The following PCDHGB6 variants were observed in gnomAD, a reference collection of about 807,000 sequenced individuals.
PCDHGB6 encodes the protein protocadherin gamma subfamily B, 6.
A neutral mutation model predicts 59.1 loss-of-function variants in PCDHGB6; 51 were observed. The ratio of observed to expected loss-of-function variants is 0.86; its 90% CI spans 0.69 to 1.09. The LOEUF is 1.09. Ranked by LOEUF, PCDHGB6 falls within the 50% of genes least tolerant of loss-of-function variation. The pLI, the probability that PCDHGB6 is intolerant of heterozygous loss-of-function variation, is 0.00. For synonymous variants in PCDHGB6, 466 were observed against 495.1 expected (o/e 0.94, Z 0.78); for missense variants, 1,148 against 1,205.1 (o/e 0.95, Z 0.70).
At position 141,431,335 on chromosome 5, in the gene PCDHGB6, C is replaced by A. The variant is rs747132346; in HGVS notation, c.2418+20715C>A. On this transcript the variant is annotated intron_variant, in intron 1 of 3. Transcript: ENST00000520790. This position sits in a 1 kb window ranked among gnomAD's most constrained non-coding sequence, Gnocchi z 4.8. ...ATGGAGCCGACGGTAGTAAGTACCCCGAATTGGTGCTGAAACGCGCCCTGG... is the reference window on the plus strand; with the variant it reads ...ATGGAGCCGACGGTAGTAAGTACCCAGAATTGGTGCTGAAACGCGCCCTGG... 11 of 1,613,944 alleles carry A rather than the reference C, an allele frequency of 6.8e-6. No homozygotes were observed. The Admixed American group carries it at 1.5e-4, about 22-fold the overall frequency.
intron 2 of PCDHGB6, among the ~76,000 whole-genome samples, chr5:141,503,598 CAA>C (rs765754054): frequency 2.7e-4 from 18 of 65,718 alleles, no homozygotes; most frequent in Admixed American, 6.9e-4. Flanking sequence ...GACTCCAGCT[CAA>C]AAAAAAAAAA....
chr5:141,435,910 G>T (rs1296707748), intron 1 of PCDHGB6, among the ~76,000 whole-genome samples: 2 of 152,112 alleles, frequency 1.3e-5, no homozygotes, highest in Non-Finnish European at 2.9e-5. Flanking sequence ...ACATCCAAGG[G>T]CTCTAAAATG....
chr5:141,423,234 C>T, intron 1 of PCDHGB6: 1 of 1,613,918 alleles, frequency 6.2e-7, no homozygotes, highest in South Asian at 1.1e-5. Context: ...CCGACAGCAT[C>T]CCCGAAGTCC....
In PCDHGB6 at chr5:141,431,779, G is replaced by A; in HGVS notation, c.2418+21159G>A. 2 of 1,614,232 alleles carry A rather than the reference G, an allele frequency of 1.2e-6. No individual in the cohort carries two copies. Among genetic ancestry groups the A allele is most frequent in the Non-Finnish European group, 1.7e-6 (2 of 1,180,030 alleles). ...AAGTCCTGATCACTGTTCTGGACGT[G>A]AACGACAATGCCCCAGAAGTGGTCC... On this transcript the variant is annotated intron_variant, in intron 1 of 3. Transcript: ENST00000520790. This position sits in a 1 kb window ranked among gnomAD's most constrained non-coding sequence, Gnocchi z 4.8.
intron 1 of PCDHGB6, among the ~76,000 whole-genome samples, chr5:141,450,335 T>A (rs1054670037): frequency 1.3e-5 from 2 of 152,158 alleles, no homozygotes; most frequent in African/African-American, 4.8e-5. Context: ...CTCTTTAATC[T>A]ACTTTAATCT....
chr5:141,463,886 C>T (rs1327677210), intron 1 of PCDHGB6, among the ~76,000 whole-genome samples: 3 of 152,118 alleles, frequency 2.0e-5, no homozygotes, highest in African/African-American at 4.8e-5. Flanking sequence ...AAAGTTTTCA[C>T]CTTGCTTTTT....
Position 141,408,513 on chromosome 5 carries a change from T to C in PCDHGB6, c.311T>C (p.Leu104Ser). The C allele has an allele frequency of 1.2e-6, 2 of 1,614,034 alleles. No homozygotes were observed. The highest frequency in any genetic ancestry group is 4.5e-5 in the East Asian group (2 of 44,878). The change falls in exon 1 of 4, where the codon TTG (leucine) becomes TCG (serine). Residue 104 changes from leucine to serine, a missense_variant. This residue lies in a region of PCDHGB6 where 307 missense variants were observed against 323.8 expected (regional missense o/e 0.95). Coordinates refer to ENST00000520790, the MANE Select transcript of PCDHGB6 (RefSeq NM_018926.3). Reference sequence around the variant, plus strand: ...TGCAAAGAGAGAAGAAGATGTGAGTTGCAATTGGAAGCTGTGGTGGAAAAT... The same window carrying C: ...TGCAAAGAGAGAAGAAGATGTGAGTCGCAATTGGAAGCTGTGGTGGAAAAT... The part of the protein sequence containing the change: ...QICKERRRCE[L>S]QLEAVVENPL...
intron 2 of PCDHGB6, among the ~76,000 whole-genome samples, chr5:141,500,136 A>G (rs966215589): frequency 6.6e-6 from 1 of 151,606 alleles, no homozygotes; most frequent in African/African-American, 2.4e-5. Flanking sequence ...ATATCTTTCT[A>G]AACTTTTCTT....
At position 141,410,619 on chromosome 5, in the gene PCDHGB6, C is replaced by G; in HGVS notation, c.2417C>G (p.Ser806Trp). ...DLTSHPETLT[S>W]QAPPNTDWRF... ...ACTTCACATCCTGAGACTCTGACTTCGGTGAGTTTCTCTTTTTTGTGTGTG... is the reference window on the plus strand; with the variant it reads ...ACTTCACATCCTGAGACTCTGACTTGGGTGAGTTTCTCTTTTTTGTGTGTG... The change falls in exon 1 of 4, where the codon TCG becomes TGG. Residue 806 changes from serine (S) to tryptophan (W), a missense_variant and splice_region_variant. By Grantham distance (177) the Ser-to-Trp change is radical. Around this residue, in one of 5 missense-constraint regions of PCDHGB6, gnomAD observed 283 missense variants for 318.6 expected, o/e 0.89. Transcript: ENST00000520790. 1 of 1,603,732 alleles carries G rather than the reference C, an allele frequency of 6.2e-7. No individual in the cohort carries two copies. Among genetic ancestry groups the G allele is most frequent in the Admixed American group, 1.7e-5 (1 of 59,784 alleles).
rs1374368607 is a variant in PCDHGB6, at chr5:141,408,605, A to G, written c.403A>G (p.Lys135Glu). The change falls in exon 1 of 4, where the codon AAA (lysine) becomes GAA (glutamate). Residue 135 changes from lysine to glutamate, a missense_variant. Physicochemically the swap from Lys to Glu is moderately conservative, Grantham distance 56. This residue lies in a region of PCDHGB6 where 307 missense variants were observed against 323.8 expected (regional missense o/e 0.95). Transcript: ENST00000520790. ...TAATGACCACGCCCCTCAATTTGAT[A>G]AAAAGGAAATACATTTAGAAATTTT... is the stretch of plus-strand genomic sequence containing the variant. ...DVNDHAPQFD[K>E]KEIHLEIFES... 6.2e-7 allele frequency: 1 copy of G among 1,614,060 alleles called. No homozygotes were observed. The highest frequency in any genetic ancestry group is 1.1e-5 in the South Asian group (1 of 91,088).
intron 1 of PCDHGB6, among the ~76,000 whole-genome samples, chr5:141,468,079 C>A (rs2099157359): frequency 6.6e-6 from 1 of 151,986 alleles, no homozygotes; most frequent in African/African-American, 2.4e-5. Context: ...AATCCCAGCA[C>A]TTTGGGAGGT....
At chr5:141,438,400 T>C (rs2154557880) in intron 1 of PCDHGB6, among the ~76,000 whole-genome samples, 1 of 151,918 alleles carries the variant, frequency 6.6e-6, no homozygotes, top group Non-Finnish European at 1.5e-5. Context: ...TCATTAACTC[T>C]CTGAAGTATT....
In PCDHGB6 at chr5:141,500,954, C is replaced by T. The variant is rs536993707; in HGVS notation, c.2478-4439C>T. On this transcript the variant is annotated intron_variant, in intron 2 of 3. Coordinates refer to ENST00000520790, the MANE Select transcript of PCDHGB6 (RefSeq NM_018926.3). Reference sequence around the variant, plus strand: ...CGCCATCTCGGCTCACTGCAAGCTCCACCTCCTGGGTTCAAGCAATTCTCC... The same window carrying T: ...CGCCATCTCGGCTCACTGCAAGCTCTACCTCCTGGGTTCAAGCAATTCTCC... Among the ~76,000 whole-genome samples the T allele has an allele frequency of 2.4e-3, 358 of 152,060 alleles. 1 individual carries two copies. The highest frequency in any genetic ancestry group is 4.1e-3 in the Admixed American group (63 of 15,282).
Position 141,491,364 on chromosome 5 carries a change from C to T in PCDHGB6, c.2419-3443C>T. 1 of 1,614,164 alleles carries T rather than the reference C, an allele frequency of 6.2e-7. No homozygotes were observed. The highest frequency in any genetic ancestry group is 8.5e-7 in the Non-Finnish European group (1 of 1,180,000). On this transcript the variant is annotated intron_variant, in intron 1 of 3. Coordinates refer to ENST00000520790, the MANE Select transcript of PCDHGB6 (RefSeq NM_018926.3). This position sits in a 1 kb window ranked among gnomAD's most constrained non-coding sequence, Gnocchi z 6.9. The stretch of plus-strand genomic sequence containing the variant: ...CCGTCAGTCTCTTATCCCTAGTCAC[C>T]TTCACCTTTCTGTCAGCGAAGTGCC...
chr5:141,424,860 A>C (rs2154550951), intron 1 of PCDHGB6, among the ~76,000 whole-genome samples: 1 of 152,340 alleles, frequency 6.6e-6, no homozygotes. Flanking sequence ...TGTCTAGGAA[A>C]GCCAAATGAG....
intron 1 of PCDHGB6, chr5:141,419,661 A>G (rs1363084793): frequency 2.5e-6 from 4 of 1,612,714 alleles, no homozygotes; most frequent in East Asian, 2.2e-5. Flanking sequence ...TCGGGGCACA[A>G]TGCCTGGCTG....
Position 141,511,089 on chromosome 5 carries a change from C to T in PCDHGB6, c.2709C>T (p.Thr903=). The change falls in exon 4 of 4, where the codon ACC becomes ACT. Residue 903 remains threonine (T), a synonymous_variant. Transcript: ENST00000520790. ...TCCCAGGCAGCAATGCCACACTGAC[C>T]AACGCAGCTGGCAAGCGGGATGGCA... is the stretch of plus-strand genomic sequence containing the variant. ...VYIPGSNATL[T]NAAGKRDGKA... 1 of 1,614,212 alleles carries T rather than the reference C, an allele frequency of 6.2e-7. No individual in the cohort carries two copies. Among genetic ancestry groups the T allele is most frequent in the Non-Finnish European group, 8.5e-7 (1 of 1,180,026 alleles).
At chr5:141,438,287 T>C (rs1183751436) in intron 1 of PCDHGB6, among the ~76,000 whole-genome samples, 1 of 152,054 alleles carries the variant, frequency 6.6e-6, no homozygotes, top group African/African-American at 2.4e-5. Context: ...TAATTTAATC[T>C]GTATGTAAAA....
intron 1 of PCDHGB6, chr5:141,424,160 CATCT>C (rs1554117117): frequency 1.5e-5 from 4 of 273,202 alleles, no homozygotes; most frequent in South Asian, 1.4e-4. Flanking sequence ...CTCTCCTTCT[CATCT>C]ATCTATCTAT....
Sources: allele counts gnomAD v4.1 joint callset (sites outside exome capture counted in the v4.1 genomes callset), GRCh38; gene constraint gnomAD v4.1.1; regional missense constraint gnomAD v4.1.1; non-coding constraint Gnocchi (gnomAD v3.1); transcripts MANE v1.5; gene names NCBI Gene and HGNC (gene_info 2026-07-23, HGNC 2026-07-21).